The following GBE1 variants were observed in gnomAD, a reference collection of about 807,000 sequenced individuals.
GBE1 encodes the protein 1,4-alpha-glucan branching enzyme 1, also known as 1,4-alpha-glucan-branching enzyme.
GBE1 carries 70 observed loss-of-function variants against 88.8 expected under a neutral mutation model. The ratio of observed to expected loss-of-function variants is 0.79; its 90% CI spans 0.65 to 0.96. The LOEUF (loss-of-function observed/expected upper bound fraction) is 0.96. Among genes scored for constraint, GBE1 ranks in the 40% least tolerant of loss-of-function variants. The pLI, the probability that GBE1 is intolerant of heterozygous loss-of-function variation, is 0.00. For synonymous variants in GBE1, 284 were observed against 300.1 expected (o/e 0.95, Z 0.56); for missense variants, 872 against 871.0 (o/e 1.00, Z -0.01).
At position 81,637,537 on chromosome 3, in the gene GBE1, T is replaced by C. The variant is rs193128218; in HGVS notation, c.992+5244A>G. ...TATGTGTATCTCTAACTTTACCAAA[T>C]AATACCAAATTGTTTTCAAATGTGG... On this transcript the variant is annotated intron_variant, in intron 7 of 15. Transcript: ENST00000429644. Among the ~76,000 whole-genome samples, 17 of 152,268 alleles carry C rather than the reference T, an allele frequency of 1.1e-4. No homozygotes were observed. In the East Asian group the frequency reaches 3.3e-3, roughly 29 times the overall value.
At chr3:81,732,280 C>T (rs1706199066) in intron 1 of GBE1, among the ~76,000 whole-genome samples, 1 of 152,050 alleles carries the variant, frequency 6.6e-6, no homozygotes, top group Non-Finnish European at 1.5e-5. Context: ...GACTATAATA[C>T]AGCATATTTT....
rs1041572146 is a variant in GBE1, at chr3:81,514,549, T to G, written c.1935-15322A>C. 1.6e-4 allele frequency among the ~76,000 whole-genome samples: 24 copies of G among 151,730 alleles called. No homozygotes were observed. The East Asian group carries it at 4.7e-3, about 29-fold the overall frequency. ...TAGAATTAGAGATGGTTCTTATGCA[T>G]GATTACAACTGAATCCACTGCTTCC... On this transcript the variant is annotated intron_variant, in intron 14 of 15. Transcript: ENST00000429644.
chr3:81,563,266 C>T (rs189317838), intron 12 of GBE1, among the ~76,000 whole-genome samples: 1 of 152,066 alleles, frequency 6.6e-6, no homozygotes, highest in East Asian at 1.9e-4. Flanking sequence ...TGGCTGTGAG[C>T]CAAATAACAA....
chr3:81,536,299 G>A (rs532532551), intron 13 of GBE1, among the ~76,000 whole-genome samples: 10 of 151,676 alleles, frequency 6.6e-5, no homozygotes, highest in African/African-American at 2.2e-4. Context: ...GGATTATAAC[G>A]AAGACATATT....
chr3:81,596,463 AT>A (rs1703958561), intron 7 of GBE1, among the ~76,000 whole-genome samples: 1 of 151,946 alleles, frequency 6.6e-6, no homozygotes, highest in Non-Finnish European at 1.5e-5. Context: ...AAACTAGATT[AT>A]TTGTATCAGT....
At chr3:81,563,575 A>G (rs558775797) in intron 12 of GBE1, among the ~76,000 whole-genome samples, 16 of 152,154 alleles carry the variant, frequency 1.1e-4, no homozygotes, top group Non-Finnish European at 2.2e-4. Flanking sequence ...CTTTATTCCT[A>G]GAGTAGCAAT....
intron 12 of GBE1, among the ~76,000 whole-genome samples, chr3:81,561,692 A>G (rs1039242641): frequency 9.2e-5 from 14 of 152,062 alleles, no homozygotes; most frequent in African/African-American, 3.4e-4. Context: ...TTATCAATCA[A>G]GTAACATATC....
chr3:81,697,301 CTTT>C (rs774202162), intron 2 of GBE1, among the ~76,000 whole-genome samples: 5 of 141,350 alleles, frequency 3.5e-5, no homozygotes, highest in Non-Finnish European at 3.1e-5. Flanking sequence ...CAGACAACAT[CTTT>C]TTTTTTTTTT....
At chr3:81,729,543 C>A (rs1372950119) in intron 1 of GBE1, among the ~76,000 whole-genome samples, 1 of 152,148 alleles carries the variant, frequency 6.6e-6, no homozygotes, top group Non-Finnish European at 1.5e-5. Flanking sequence ...GCAAACAGGG[C>A]ATAATCTTGG....
At chr3:81,584,533 G>A (rs745932955) in intron 10 of GBE1, among the ~76,000 whole-genome samples, 1 of 152,134 alleles carries the variant, frequency 6.6e-6, no homozygotes, top group Middle Eastern at 3.4e-3. Context: ...ACCCAGTTTG[G>A]TGATACAATA....
At chr3:81,714,709 T>C (rs1227675144) in intron 1 of GBE1, among the ~76,000 whole-genome samples, 1 of 152,218 alleles carries the variant, frequency 6.6e-6, no homozygotes, top group African/African-American at 2.4e-5. Flanking sequence ...GTTTGAACTG[T>C]TATAACAAAT....
chr3:81,599,233 G>C (rs1309434416), intron 7 of GBE1, among the ~76,000 whole-genome samples: 1 of 152,058 alleles, frequency 6.6e-6, no homozygotes, highest in African/African-American at 2.4e-5. Context: ...CTTAAAAATT[G>C]GTTATCTGCC....
At chr3:81,740,644 T>C (rs9811796) in intron 1 of GBE1, among the ~76,000 whole-genome samples, 10,854 of 151,998 alleles carry the variant, frequency 0.071, 758 homozygotes, top group African/African-American at 0.17. Context: ...CATTATAAGA[T>C]TTTGCTGTCT....
chr3:81,547,742 T>C (rs1459417013), intron 12 of GBE1, among the ~76,000 whole-genome samples: 2 of 150,782 alleles, frequency 1.3e-5, no homozygotes, highest in South Asian at 2.1e-4. Context: ...GTTTGATTAA[T>C]GGGAAAAAAG....
At chr3:81,650,713 G>A (rs1055432275) in intron 3 of GBE1, among the ~76,000 whole-genome samples, 4 of 152,094 alleles carry the variant, frequency 2.6e-5, no homozygotes, top group Non-Finnish European at 5.9e-5. Context: ...TCACCCAGGT[G>A]GAGCACAGTG....
rs776192396 is a variant in GBE1, at chr3:81,591,152, G to T, written c.1121C>A (p.Ser374Ter). The T allele has an allele frequency of 6.2e-7, 1 of 1,600,138 alleles. No homozygotes were observed. Among genetic ancestry groups the T allele is most frequent in the South Asian group, 1.1e-5 (1 of 88,734 alleles). Reference sequence around the variant, plus strand: ...TCCGAAATATTCACTGTAATCACCTGAGAAACCTTGACCTTAGAAAAAGAA... The same window carrying T: ...TCCGAAATATTCACTGTAATCACCTTAGAAACCTTGACCTTAGAAAAAGAA... ...YHHHGVGQGFSGDYSEYFGLQ... is the reference protein window; with the variant it reads ...YHHHGVGQGF The change falls in exon 9 of 16, where the codon TCA (serine) becomes TAA (stop). Residue 374 changes from serine to a stop codon, truncating the protein, a stop_gained. Coordinates refer to ENST00000429644, the MANE Select transcript of GBE1 (RefSeq NM_000158.4). LOFTEE classifies it high-confidence loss of function.
intron 7 of GBE1, among the ~76,000 whole-genome samples, chr3:81,606,854 C>T (rs978877152): frequency 6.6e-6 from 1 of 152,090 alleles, no homozygotes; most frequent in African/African-American, 2.4e-5. Context: ...AAGTTATGTG[C>T]TATTATGTAG....
intron 3 of GBE1, among the ~76,000 whole-genome samples, chr3:81,664,020 A>C (rs192345504): frequency 0.029 from 4,480 of 152,284 alleles, 100 homozygotes; most frequent in Non-Finnish European, 0.043. Flanking sequence ...TGCATAGAAA[A>C]AAAAATATTT....
At chr3:81,493,749 T>G (rs1450084474) in intron 15 of GBE1, among the ~76,000 whole-genome samples, 1 of 151,912 alleles carries the variant, frequency 6.6e-6, no homozygotes, top group Non-Finnish European at 1.5e-5. Flanking sequence ...TTGGTAAGGC[T>G]GGTCTCGAAC....
Sources: gnomAD v4.1 joint callset for allele counts (sites outside exome capture counted in the v4.1 genomes callset) on GRCh38, gnomAD v4.1.1 for gene constraint, MANE v1.5 for transcripts, NCBI Gene and HGNC (gene_info 2026-07-23, HGNC 2026-07-21) for gene names.